Variants in EYS observed in about 807,000 individuals in gnomAD.
The protein encoded by EYS is protein eyes shut homolog.
Under a neutral mutation model 282.1 loss-of-function variants are expected in EYS, and 250 were observed. That is an observed-to-expected ratio of 0.89 (90% CI 0.80 to 0.98). The LOEUF is 0.98. EYS is among the 50% of genes least tolerant of loss of function. The pLI is 0.00. For synonymous variants in EYS, 1,355 were observed against 1,282.9 expected (o/e 1.06, Z -1.20); for missense variants, 4,016 against 3,709.0 (o/e 1.08, Z -2.15).
chr6:64,827,549 C>T (rs1257129742), intron 19 of EYS, among the ~76,000 whole-genome samples: 2 of 151,684 alleles, frequency 1.3e-5, no homozygotes, highest in Non-Finnish European at 2.9e-5. Context: ...TTGAAAATGA[C>T]TAAAATTTAC....
intron 26 of EYS, among the ~76,000 whole-genome samples, chr6:64,567,397 G>A (rs1034147477): frequency 5.3e-5 from 8 of 152,120 alleles, no homozygotes; most frequent in African/African-American, 1.9e-4. Flanking sequence ...ATGACTTAAT[G>A]TGTATTAAAC....
At chr6:64,128,394 G>A (rs1773855324) in intron 31 of EYS, among the ~76,000 whole-genome samples, 1 of 152,096 alleles carries the variant, frequency 6.6e-6, no homozygotes, top group South Asian at 2.1e-4. Context: ...TCCATGAAAT[G>A]AATATCTTTC....
intron 14 of EYS, among the ~76,000 whole-genome samples, chr6:64,952,719 T>G (rs2150100718): frequency 6.6e-6 from 1 of 152,212 alleles, no homozygotes; most frequent in African/African-American, 2.4e-5. Context: ...GTTTTAGATT[T>G]TATGATACAT....
At chr6:65,494,165 T>G (rs975126758) in intron 4 of EYS, among the ~76,000 whole-genome samples, 1 of 152,166 alleles carries the variant, frequency 6.6e-6, no homozygotes, top group African/African-American at 2.4e-5. Context: ...AGCAAAAAGC[T>G]TATTTTGGAG....
At chr6:65,109,179 T>C (rs950845590) in intron 12 of EYS, among the ~76,000 whole-genome samples, 5 of 152,090 alleles carry the variant, frequency 3.3e-5, no homozygotes, top group Admixed American at 6.5e-5. Flanking sequence ...ATGATAGTTA[T>C]AATAGCCACT....
At chr6:64,217,005 T>A (rs1489842509) in intron 31 of EYS, among the ~76,000 whole-genome samples, 1 of 152,190 alleles carries the variant, frequency 6.6e-6, no homozygotes, top group Non-Finnish European at 1.5e-5. Flanking sequence ...GCCTGCAGGA[T>A]AACAGATTTG....
intron 2 of EYS, among the ~76,000 whole-genome samples, chr6:65,503,216 C>A (rs987609879): frequency 2.0e-5 from 3 of 151,572 alleles, no homozygotes; most frequent in African/African-American, 7.3e-5. Context: ...TTTCTAATGA[C>A]AAATGATGTT....
intron 29 of EYS, among the ~76,000 whole-genome samples, chr6:64,355,640 A>G (rs567755670): frequency 2.6e-5 from 4 of 151,742 alleles, no homozygotes; most frequent in Admixed American, 6.6e-5. Context: ...TGAGCAGTTT[A>G]TTTCCTGGGA....
chr6:63,838,762 T>C (rs1562052726), intron 36 of EYS, among the ~76,000 whole-genome samples: 1 of 152,058 alleles, frequency 6.6e-6, no homozygotes, highest in African/African-American at 2.4e-5. Flanking sequence ...GCACTCCAGG[T>C]TTTTATGCTC....
chr6:64,393,716 T>G (rs1196289206), intron 28 of EYS, among the ~76,000 whole-genome samples: 6 of 151,300 alleles, frequency 4.0e-5, no homozygotes, highest in African/African-American at 7.3e-5. Context: ...CTTTGAAAAC[T>G]GGCACAAGAC....
chr6:64,769,571 A>C (rs1348367691), intron 22 of EYS, among the ~76,000 whole-genome samples: 6 of 152,098 alleles, frequency 3.9e-5, no homozygotes, highest in Non-Finnish European at 7.4e-5. Flanking sequence ...GTAATAGCCA[A>C]TTTAGTGACT....
At chr6:64,678,997 A>C (rs1562129208) in intron 22 of EYS, among the ~76,000 whole-genome samples, 1 of 151,974 alleles carries the variant, frequency 6.6e-6, no homozygotes, top group Non-Finnish European at 1.5e-5. Flanking sequence ...AAAAAAAAAA[A>C]CACTTTGATT....
intron 31 of EYS, among the ~76,000 whole-genome samples, chr6:64,177,990 G>A (rs867238750): frequency 2.0e-4 from 31 of 152,092 alleles, no homozygotes; most frequent in Admixed American, 6.6e-4. Context: ...AATTGAAGTA[G>A]CAGAATCATT....
chr6:65,494,567 C>T, intron 4 of EYS, 96 bp downstream of exon 4: 1 of 1,183,750 alleles, frequency 8.4e-7, no homozygotes, highest in Non-Finnish European at 1.2e-6. Context: ...AGGTGTGAGC[C>T]ACCGCATTTA....
intron 13 of EYS, among the ~76,000 whole-genome samples, chr6:65,034,497 T>G (rs946280538): frequency 5.9e-5 from 9 of 152,072 alleles, no homozygotes; most frequent in Admixed American, 2.0e-4. Context: ...ATGGCTTGTT[T>G]TGTCTTTACT....
intron 26 of EYS, among the ~76,000 whole-genome samples, chr6:64,466,081 A>T (rs529706589): frequency 1.3e-5 from 2 of 152,304 alleles, no homozygotes; most frequent in African/African-American, 2.4e-5. Flanking sequence ...AATGGTTATT[A>T]TCTAAAAGAT....
In EYS at chr6:64,000,167, A is replaced by C. The variant is rs1562142208; in HGVS notation, c.6726-984T>G. ...ACTGAGGAGTTTCCCAAGACATGGG[A>C]CTTTTTTTTTTTTTTTTTTTTTTTT... On this transcript the variant is annotated intron_variant, in intron 33 of 42. Coordinates refer to ENST00000503581, the MANE Select transcript of EYS (RefSeq NM_001142800.2). Among the ~76,000 whole-genome samples the C allele has an allele frequency of 4.6e-5, 2 of 43,526 alleles. 1 individual carries two copies. Among genetic ancestry groups the C allele is most frequent in the Non-Finnish European group, 9.5e-5 (2 of 20,954 alleles). 28.6% of individuals were successfully genotyped at this position (43,526 alleles called of 152,430 possible). A position where few individuals can be genotyped will look rare whatever the true frequency, so the allele number is the denominator to read the frequency against.
At position 64,343,051 on chromosome 6, in the gene EYS, T is replaced by C. The variant is rs1322584600; in HGVS notation, c.6079-35969A>G. Among the ~76,000 whole-genome samples the C allele has an allele frequency of 2.0e-5, 3 of 152,164 alleles. No individual in the cohort carries two copies. The East Asian group carries it at 5.8e-4, about 29-fold the overall frequency. On this transcript the variant is annotated intron_variant, in intron 29 of 42. Coordinates refer to ENST00000503581, the MANE Select transcript of EYS (RefSeq NM_001142800.2). ...CCCAATACAGGAGCACCCAGATTCA[T>C]AAAGCAAGTACTTAGTTACCTACAA...
chr6:63,858,492 G>A (rs1330950344), intron 36 of EYS, among the ~76,000 whole-genome samples: 1 of 152,176 alleles, frequency 6.6e-6, no homozygotes, highest in Admixed American at 6.5e-5. Flanking sequence ...TGAAAGGCAG[G>A]AGGTGCTCAC....
Sources: allele counts gnomAD v4.1 joint callset (sites outside exome capture counted in the v4.1 genomes callset), GRCh38; gene constraint gnomAD v4.1.1; transcripts MANE v1.5; gene names NCBI Gene and HGNC (gene_info 2026-07-23, HGNC 2026-07-21).